Variants in TRAP1 observed in about 807,000 individuals in gnomAD.
TRAP1 encodes heat shock protein 75 kDa, mitochondrial.
A neutral mutation model predicts 89.1 loss-of-function variants in TRAP1; 102 were observed. The ratio of observed to expected loss-of-function variants is 1.15; its 90% CI spans 0.98 to 1.35. The LOEUF (loss-of-function observed/expected upper bound fraction) is 1.35, where lower values mean the gene tolerates loss of function less well. TRAP1 is among the 40% of genes most tolerant of loss of function. The pLI is 0.00. For missense variants in TRAP1, 1,256 were observed against 945.3 expected, an observed-to-expected ratio of 1.33 and a Z score of -4.31; for synonymous variants, 508 against 388.0, an observed-to-expected ratio of 1.31 and a Z score of -3.64.
chr16:3,688,308 C>T (rs1180666001), intron 3 of TRAP1, among the ~76,000 whole-genome samples: 1 of 151,974 alleles, frequency 6.6e-6, no homozygotes, highest in Non-Finnish European at 1.5e-5. Context: ...GCCCCAAATG[C>T]GTTTTAATTT....
At chr16:3,658,564 T>G (rs1054278187) in intron 17 of TRAP1, 3 of 582,514 alleles carry the variant, frequency 5.2e-6, no homozygotes, top group African/African-American at 3.7e-5. Context: ...TCCCAGCTAC[T>G]CGGGAGGCTG....
rs2051048856 is a variant in TRAP1, at chr16:3,679,701, T to C, written c.543+18A>G. The C allele has an allele frequency of 8.7e-6, 14 of 1,613,888 alleles. No homozygotes were observed. Among genetic ancestry groups the C allele is most frequent in the South Asian group, 1.1e-5 (1 of 91,088 alleles). ...CCCTGAGGGGAAGGGGGAGGCTGTG[T>C]GGGGGCCCCACGCTTACCTTTGACC... On this transcript the variant is annotated intron_variant, in intron 5 of 17. Coordinates refer to ENST00000246957, the MANE Select transcript of TRAP1 (RefSeq NM_016292.3).
At chr16:3,704,583 C>A (rs1346643162) in intron 1 of TRAP1, among the ~76,000 whole-genome samples, 1 of 152,192 alleles carries the variant, frequency 6.6e-6, no homozygotes, top group Non-Finnish European at 1.5e-5. Flanking sequence ...TGGCTGCTCA[C>A]ACCTGTAATC....
At chr16:3,686,238 A>C in intron 3 of TRAP1, 102 bp from the exon 4 acceptor site, 1 of 1,346,938 alleles carries the variant, frequency 7.4e-7, no homozygotes, top group Non-Finnish European at 1.0e-6. Flanking sequence ...GGTAGAGGAG[A>C]ATAGTCAATT....
rs749434626 is a variant in TRAP1 at position 3,662,966 on chromosome 16, G to A, written c.1710C>T (p.Ala570=). 2.4e-5 allele frequency: 38 copies of A among 1,607,910 alleles called. No homozygotes were observed. Among genetic ancestry groups the A allele is most frequent in the East Asian group, 1.1e-4 (5 of 44,828 alleles). ...KEEKFEDRSP[A]AECLSEKETE... is the part of the protein sequence containing the mutation. ...TCTCCTTCTCTGATAGGCACTCGGC[G>A]GCTGCGGAAGAGCAGGCGACAGGGA... Residue 570 remains alanine (A), a splice_region_variant and synonymous_variant, in exon 15 of 18, where the codon GCC becomes GCT. Coordinates refer to ENST00000246957, the MANE Select transcript of TRAP1 (RefSeq NM_016292.3).
At chr16:3,674,536 G>A (rs202096598) in intron 8 of TRAP1, 42 bp from the exon 9 acceptor site, 72 of 1,602,224 alleles carry the variant, frequency 4.5e-5, no homozygotes, top group Non-Finnish European at 5.5e-5. Flanking sequence ...TGTTCACCAC[G>A]CACGTCTTCT....
In TRAP1 at chr16:3,674,555, G is replaced by T. The variant is rs537920715; in HGVS notation, c.889-61C>A. 5 of 1,578,740 alleles carry T rather than the reference G, an allele frequency of 3.2e-6. No individual in the cohort carries two copies. In the African/African-American group the frequency reaches 5.4e-5, roughly 17 times the overall value. On this transcript the variant is annotated intron_variant, in intron 8 of 17. Coordinates refer to ENST00000246957, the MANE Select transcript of TRAP1 (RefSeq NM_016292.3). ...CACCACGCACGTCTTCTCCACCACC[G>T]TGCAGGCCTGAGCCAGTGCAGCGCC...
chr16:3,696,640 C>T (rs1052422770), intron 1 of TRAP1, among the ~76,000 whole-genome samples: 28 of 152,010 alleles, frequency 1.8e-4, no homozygotes, highest in African/African-American at 5.3e-4. Context: ...ACTGCAGCCT[C>T]GACCTTCCCG....
intron 10 of TRAP1, 59 bp downstream of exon 10, chr16:3,672,641 A>G (rs1029083986): frequency 6.4e-7 from 1 of 1,552,704 alleles, no homozygotes; most frequent in Admixed American, 1.9e-5. Flanking sequence ...GGTCCCTCAC[A>G]GATGCAGCGG....
In TRAP1 at chr16:3,672,730, TGTCC is replaced by T. The variant is rs1426949658; in HGVS notation, c.1131_1134del (p.Asp378SerfsTer20). On this transcript the variant is annotated frameshift_variant, in exon 10 of 18. Coordinates refer to ENST00000246957, the MANE Select transcript of TRAP1 (RefSeq NM_016292.3). LOFTEE classifies it high-confidence loss of function. Reference sequence around the variant, plus strand: ...ATGAAGCGCAGCCACTTGGGCAGGATGTCCGTGGCCTTGGTCTGGATGAGGACTT... The same window carrying T: ...ATGAAGCGCAGCCACTTGGGCAGGATGTGGCCTTGGTCTGGATGAGGACTT... The T allele has an allele frequency of 1.2e-6, 2 of 1,610,552 alleles. No individual in the cohort carries two copies. The highest frequency in any genetic ancestry group is 2.7e-5 in the African/African-American group (2 of 74,998).
chr16:3,687,733 A>G (rs2051155529), intron 3 of TRAP1, among the ~76,000 whole-genome samples: 1 of 152,046 alleles, frequency 6.6e-6, no homozygotes, highest in Non-Finnish European at 1.5e-5. Flanking sequence ...AAAAATACAA[A>G]TATCAGCCAG....
rs1012414306 is a variant in TRAP1 at position 3,674,770 on chromosome 16, C to T, written c.889-276G>A. ...GGGCCTGTGGGAGAGGATGACGCTG[C>T]CCAGCAGGGGCGAGCTGACGAATAC... On this transcript the variant is annotated intron_variant, in intron 8 of 17. Transcript: ENST00000246957. 8.7e-5 allele frequency: 44 copies of T among 506,130 alleles called. 1 individual carries two copies. In the South Asian group the frequency reaches 9.7e-4, roughly 11 times the overall value. The allele number at this position is 506,130 out of a possible 1,614,324, so 31.4% of individuals were successfully genotyped here.
chr16:3,706,837 A>G (rs762134172), intron 1 of TRAP1, among the ~76,000 whole-genome samples: 1 of 152,012 alleles, frequency 6.6e-6, no homozygotes, highest in Non-Finnish European at 1.5e-5. Flanking sequence ...ATGAACATTC[A>G]TGTGTAGGCT....
In TRAP1 at chr16:3,672,819, T is replaced by G; in HGVS notation, c.1046A>C (p.Lys349Thr). ...CCGGCTCACATCAAACATGGACGGT[T>G]TCTGGGGGTGAGGAGAACACGCCAT... Reference protein sequence around the residue: ...IRSIFYVPDMKPSMFDVSREL... With the variant: ...IRSIFYVPDMTPSMFDVSREL... The change falls in exon 10 of 18, where the codon AAA becomes ACA. Residue 349 changes from lysine to threonine, a missense_variant and splice_region_variant. By Grantham distance (78) the Lys-to-Thr change is moderately conservative. Coordinates refer to ENST00000246957, the MANE Select transcript of TRAP1 (RefSeq NM_016292.3). 6.2e-7 allele frequency: 1 copy of G among 1,612,300 alleles called. No homozygotes were observed. The highest frequency in any genetic ancestry group is 8.5e-7 in the Non-Finnish European group (1 of 1,179,462).
chr16:3,714,075 G>A (rs1008891541), intron 1 of TRAP1, among the ~76,000 whole-genome samples: 4 of 152,148 alleles, frequency 2.6e-5, no homozygotes, highest in South Asian at 4.1e-4. Context: ...GACATGGAAC[G>A]TTCCTCCCTC....
At position 3,675,361 on chromosome 16, in the gene TRAP1, G is replaced by A. The variant is rs1472544228; in HGVS notation, c.851C>T (p.Pro284Leu). The A allele has an allele frequency of 2.5e-6, 4 of 1,613,986 alleles. No homozygotes were observed. The East Asian group carries it at 8.9e-5, about 36-fold the overall frequency. Residue 284 changes from proline (P) to leucine (L), a missense_variant, in exon 8 of 18, where the codon CCC becomes CTC. Transcript: ENST00000246957. Reference protein sequence around the residue: ...VTKYSNFVSFPLYLNGRRMNT... With the variant: ...VTKYSNFVSFLLYLNGRRMNT... ...CATCCGCCTTCCATTCAAGTACAAG[G>A]GGAAGCTGACGAAGTTGCTGTACTT... is the stretch of plus-strand genomic sequence containing the variant.
chr16:3,693,953 AC>A (rs1488626513), intron 1 of TRAP1, among the ~76,000 whole-genome samples: 1 of 149,742 alleles, frequency 6.7e-6, no homozygotes, highest in Non-Finnish European at 1.5e-5. Flanking sequence ...AGATCACACT[AC>A]CGCACTTCTG....
rs112887834 is a variant in TRAP1, at chr16:3,679,521, C to G, written c.543+198G>C. 3.6e-3 allele frequency among the ~76,000 whole-genome samples: 543 copies of G among 152,238 alleles called. 2 individuals carry two copies. The highest frequency in any genetic ancestry group is 0.013 in the African/African-American group (523 of 41,516). On this transcript the variant is annotated intron_variant, in intron 5 of 17. Transcript: ENST00000246957. Reference sequence around the variant, plus strand: ...TTGCTATCCAAGGGGGGTCCTGAAACCAACCCCTAGATACTGAGGGACCAA... The same window carrying G: ...TTGCTATCCAAGGGGGGTCCTGAAAGCAACCCCTAGATACTGAGGGACCAA...
chr16:3,666,022 G>A lies in TRAP1; in HGVS notation c.1332C>T (p.Tyr444=), dbSNP rs375204285. The stretch of plus-strand genomic sequence containing the variant: ...CAATGCCCTCCCGCATGAACAGGCC[G>A]TAATCTTCAAAAAACTTTGCATACT... ...AEKYAKFFED[Y]GLFMREGIVT... The change falls in exon 12 of 18, where the codon TAC becomes TAT. Residue 444 remains tyrosine (Y), a synonymous_variant. Transcript: ENST00000246957. 31 of 1,613,990 alleles carry A rather than the reference G, an allele frequency of 1.9e-5. No homozygotes were observed. The highest frequency in any genetic ancestry group is 2.5e-5 in the Non-Finnish European group (29 of 1,180,026).
Sources: allele counts gnomAD v4.1 joint callset (sites outside exome capture counted in the v4.1 genomes callset), GRCh38; gene constraint gnomAD v4.1.1; transcripts MANE v1.5; gene names NCBI Gene and HGNC (gene_info 2026-07-23, HGNC 2026-07-21).